The following ESR1 variants were observed in gnomAD, a reference collection of about 807,000 sequenced individuals.
The protein encoded by ESR1 is estrogen receptor.
Under a neutral mutation model 52.7 loss-of-function variants are expected in ESR1, and 12 were observed. That is an observed-to-expected ratio of 0.23 (90% CI 0.15 to 0.37). The LOEUF (loss-of-function observed/expected upper bound fraction) is 0.37, where lower values mean the gene tolerates loss of function less well. ESR1 is among the 10% of genes least tolerant of loss of function. ESR1 has a pLI of 1.00. For missense variants in ESR1, 584 were observed against 779.7 expected (o/e 0.75, Z 2.99); for synonymous variants, 305 against 316.8 (o/e 0.96, Z 0.39).
chr6:152,088,961 C>A (rs745330972), intron 6 of ESR1, among the ~76,000 whole-genome samples: 1 of 152,058 alleles, frequency 6.6e-6, no homozygotes, highest in Non-Finnish European at 1.5e-5. Context: ...TGAAAAAGAG[C>A]CAAAATGGAT....
intron 4 of ESR1, among the ~76,000 whole-genome samples, chr6:152,001,634 G>T (rs1183887623): frequency 1.3e-5 from 2 of 151,970 alleles, no homozygotes; most frequent in African/African-American, 4.8e-5. Flanking sequence ...GCTTGTAAAA[G>T]AATCCACCAT....
rs778077270 is a variant in ESR1 at position 152,011,756 on chromosome 6, A to G, written c.1197A>G (p.Pro399=). Reference sequence around the variant, plus strand: ...TCGTCTGGCGCTCCATGGAGCACCCAGGGAAGCTACTGTTTGCTCCTAACT... The same window carrying G: ...TCGTCTGGCGCTCCATGGAGCACCCGGGGAAGCTACTGTTTGCTCCTAACT... The part of the protein sequence containing the change: ...IGLVWRSMEH[P]GKLLFAPNLL... Residue 399 remains proline, a synonymous_variant, in exon 5 of 8, where the codon CCA becomes CCG. Coordinates refer to ENST00000206249, the MANE Select transcript of ESR1 (RefSeq NM_000125.4). The G allele has an allele frequency of 8.7e-6, 14 of 1,613,286 alleles. No individual in the cohort carries two copies. In the South Asian group the frequency reaches 1.2e-4, roughly 14 times the overall value.
Position 151,959,068 on chromosome 6 carries a change from G to A in ESR1, c.1096+14560G>A, listed in dbSNP as rs77279688. The stretch of plus-strand genomic sequence containing the variant: ...GCCATCAACAAGGAGAACAGAGTGG[G>A]ATGAAGGGTTTGGGAAGCCAGGATG... On this transcript the variant is annotated intron_variant, in intron 4 of 7. Transcript: ENST00000206249. Among the ~76,000 whole-genome samples, 1,200 of 152,086 alleles carry A rather than the reference G, an allele frequency of 7.9e-3. 17 individuals carry two copies. Among genetic ancestry groups the A allele is most frequent in the African/African-American group, 0.028 (1,155 of 41,430 alleles).
intron 1 of ESR1, among the ~76,000 whole-genome samples, chr6:151,666,903 T>A (rs1777847583): frequency 6.6e-6 from 1 of 150,790 alleles, no homozygotes; most frequent in South Asian, 2.1e-4. Context: ...TAGATGGAGG[T>A]CATAAGGCAA....
intron 4 of ESR1, among the ~76,000 whole-genome samples, chr6:151,958,638 G>A (rs2037276509): frequency 6.6e-6 from 1 of 152,208 alleles, no homozygotes; most frequent in Admixed American, 6.5e-5. Context: ...GTGCACATGA[G>A]ATTGTACTGT....
At chr6:151,812,494 AG>A (rs1411267584) in intron 1 of ESR1, among the ~76,000 whole-genome samples, 1 of 152,194 alleles carries the variant, frequency 6.6e-6, no homozygotes, top group African/African-American at 2.4e-5. Context: ...GATACATTAA[AG>A]AAAGTCAAAA....
intron 2 of ESR1, among the ~76,000 whole-genome samples, chr6:151,762,832 C>T (rs1312510246): frequency 2.0e-5 from 3 of 152,022 alleles, no homozygotes; most frequent in East Asian, 3.9e-4. Context: ...GGCATAGTGG[C>T]GTGTGTCTGT....
intron 2 of ESR1, among the ~76,000 whole-genome samples, chr6:151,708,749 T>C (rs1017147598): frequency 6.6e-6 from 1 of 152,160 alleles, no homozygotes; most frequent in Non-Finnish European, 1.5e-5. Flanking sequence ...CTCCCTTATA[T>C]GGTTGCTTTT....
At chr6:151,874,268 AT>A (rs930355493) in intron 2 of ESR1, among the ~76,000 whole-genome samples, 1 of 151,968 alleles carries the variant, frequency 6.6e-6, no homozygotes, top group Non-Finnish European at 1.5e-5. Context: ...CTTGACTTTA[AT>A]TTTTTTTCAG....
intron 3 of ESR1, among the ~76,000 whole-genome samples, chr6:151,906,728 A>T (rs1797514728): frequency 6.7e-6 from 1 of 148,438 alleles, no homozygotes; most frequent in African/African-American, 2.5e-5. Context: ...ACTTTGCTTT[A>T]TGGTATCATC....
At position 151,935,635 on chromosome 6, in the gene ESR1, C is replaced by T. The variant is rs73784104; in HGVS notation, c.761-8538C>T. On this transcript the variant is annotated intron_variant, in intron 3 of 7. Coordinates refer to ENST00000206249, the MANE Select transcript of ESR1 (RefSeq NM_000125.4). ...GCAAGTCCTGACACCCACCAACTCA[C>T]ATACTAGGGAATTCACCAAATGTAG... 4.1e-3 allele frequency among the ~76,000 whole-genome samples: 632 copies of T among 152,354 alleles called. 7 individuals are homozygous for T. The highest frequency in any genetic ancestry group is 0.015 in the African/African-American group (612 of 41,598).
chr6:151,814,197 C>A (rs955909056), intron 1 of ESR1: 2 of 152,102 alleles, frequency 1.3e-5, no homozygotes, highest in African/African-American at 4.8e-5. Context: ...TTTTATGGCC[C>A]TGAAAGCAAA....
intron 2 of ESR1, among the ~76,000 whole-genome samples, chr6:151,852,696 C>G (rs536337247): frequency 8.3e-6 from 1 of 121,128 alleles, no homozygotes; most frequent in African/African-American, 3.1e-5. Context: ...GCCTCCTTTT[C>G]GGACCCAGAG....
chr6:151,961,358 A>G (rs1159793906), intron 4 of ESR1, among the ~76,000 whole-genome samples: 2 of 151,882 alleles, frequency 1.3e-5, no homozygotes, highest in African/African-American at 4.8e-5. Flanking sequence ...AAATGCTGCT[A>G]TTGGGTCAAG....
chr6:151,912,065 G>A (rs1798350141), intron 3 of ESR1, among the ~76,000 whole-genome samples: 2 of 152,182 alleles, frequency 1.3e-5, no homozygotes, highest in African/African-American at 4.8e-5. Flanking sequence ...CAAGTGGTTG[G>A]TGGCTACCAT....
intron 3 of ESR1, among the ~76,000 whole-genome samples, chr6:151,919,704 A>G (rs1018491408): frequency 3.9e-5 from 6 of 152,178 alleles, no homozygotes; most frequent in Non-Finnish European, 7.4e-5. Context: ...AGTGCTCTGA[A>G]GGAGAAAACA....
intron 5 of ESR1, among the ~76,000 whole-genome samples, chr6:152,032,668 A>G (rs1450367637): frequency 1.3e-5 from 2 of 152,226 alleles, no homozygotes; most frequent in African/African-American, 4.8e-5. Context: ...AGAACATTCC[A>G]TGCTTATGGG....
chr6:151,722,261 TG>T (rs1349209706), intron 2 of ESR1, among the ~76,000 whole-genome samples: 1 of 152,206 alleles, frequency 6.6e-6, no homozygotes, highest in Non-Finnish European at 1.5e-5. Flanking sequence ...GGAACATACC[TG>T]CCTGCTCAGA....
chr6:151,824,123 T>A (rs553665432), intron 1 of ESR1, among the ~76,000 whole-genome samples: 1 of 152,134 alleles, frequency 6.6e-6, no homozygotes, highest in Admixed American at 6.5e-5. Flanking sequence ...CCACATCCTC[T>A]CCAGCACCTG....
Sources: gnomAD v4.1 joint callset for allele counts (sites outside exome capture counted in the v4.1 genomes callset) on GRCh38, gnomAD v4.1.1 for gene constraint, MANE v1.5 for transcripts, NCBI Gene and HGNC (gene_info 2026-07-23, HGNC 2026-07-21) for gene names.